Variants in ADAMTSL3 observed in about 807,000 individuals in gnomAD.
ADAMTSL3 encodes ADAMTS like 3.
In ADAMTSL3, 128 loss-of-function variants were observed where a neutral mutation model predicts 201.7. The ratio of observed to expected loss-of-function variants is 0.63; its 90% CI spans 0.55 to 0.73. The LOEUF (loss-of-function observed/expected upper bound fraction) is 0.73, where lower values mean the gene tolerates loss of function less well. Among genes scored for constraint, ADAMTSL3 ranks in the 30% least tolerant of loss-of-function variants. The pLI, the probability that ADAMTSL3 is intolerant of heterozygous loss-of-function variation, is 0.00. For synonymous variants in ADAMTSL3, 738 were observed against 748.4 expected (o/e 0.99, Z 0.23); for missense variants, 1,990 against 2,119.6 (o/e 0.94, Z 1.20).
intron 9 of ADAMTSL3, among the ~76,000 whole-genome samples, chr15:83,882,215 A>C (rs1206861133): frequency 1.3e-5 from 2 of 152,130 alleles, no homozygotes; most frequent in Admixed American, 6.5e-5. Flanking sequence ...TTTAGGCAGC[A>C]TTTTTATTTA....
At chr15:83,816,637 G>A (rs1242849943) in intron 5 of ADAMTSL3, among the ~76,000 whole-genome samples, 1 of 152,174 alleles carries the variant, frequency 6.6e-6, no homozygotes, top group Admixed American at 6.5e-5. Context: ...GCTGGAGGAA[G>A]AGGAGGTGAT....
chr15:84,009,091 G>T (rs572619384), intron 23 of ADAMTSL3, among the ~76,000 whole-genome samples: 1 of 152,286 alleles, frequency 6.6e-6, no homozygotes, highest in South Asian at 2.1e-4. Context: ...CCCTGCCTCT[G>T]CCCTTGCCCC....
chr15:83,811,800 G>C (rs538872464), intron 5 of ADAMTSL3, among the ~76,000 whole-genome samples: 5 of 152,296 alleles, frequency 3.3e-5, no homozygotes, highest in East Asian at 3.9e-4. Context: ...TATAGCATCA[G>C]TTGCTATGCT....
In ADAMTSL3 at chr15:83,784,546, G is replaced by T. The variant is rs564913063; in HGVS notation, c.317+10896G>T. On this transcript the variant is annotated intron_variant, in intron 4 of 29. Coordinates refer to ENST00000286744, the MANE Select transcript of ADAMTSL3 (RefSeq NM_207517.3). ...CTATCATTTCAATGGGAATTTGTAA[G>T]GGGGAAGTTCAATATATACGCTCAG... is the stretch of plus-strand genomic sequence containing the variant. 1.1e-4 allele frequency among the ~76,000 whole-genome samples: 16 copies of T among 152,202 alleles called. No homozygotes were observed. The South Asian group carries it at 3.3e-3, about 32-fold the overall frequency.
chr15:83,730,904 T>C (rs1189653616), intron 3 of ADAMTSL3, among the ~76,000 whole-genome samples: 2 of 152,112 alleles, frequency 1.3e-5, no homozygotes, highest in Non-Finnish European at 2.9e-5. Flanking sequence ...ATGGTGGTTT[T>C]AGGTCTTACA....
Position 83,991,080 on chromosome 15 carries a change from A to T in ADAMTSL3, c.3845-6A>T, listed in dbSNP as rs1375701106. ...TAACATAGTTTCCTGCTCCCTTTGA[A>T]TTAAGAGGCACCTGTCATCTTGTCT... On this transcript the variant is annotated splice_polypyrimidine_tract_variant and splice_region_variant and intron_variant, in intron 22 of 29. Coordinates refer to ENST00000286744, the MANE Select transcript of ADAMTSL3 (RefSeq NM_207517.3). 5 of 1,614,150 alleles carry T rather than the reference A, an allele frequency of 3.1e-6. No homozygotes were observed. The highest frequency in any genetic ancestry group is 4.2e-6 in the Non-Finnish European group (5 of 1,180,006).
chr15:83,977,023 A>G (rs1277712454), intron 20 of ADAMTSL3, among the ~76,000 whole-genome samples: 1 of 152,214 alleles, frequency 6.6e-6, no homozygotes, highest in Non-Finnish European at 1.5e-5. Context: ...ATACTGGTCC[A>G]TAGCCTGTTG....
chr15:83,803,551 C>T (rs2063555243), intron 4 of ADAMTSL3, among the ~76,000 whole-genome samples: 1 of 152,078 alleles, frequency 6.6e-6, no homozygotes, highest in Non-Finnish European at 1.5e-5. Flanking sequence ...AAATATGTAA[C>T]TCCATTGAAA....
chr15:83,943,562 G>A (rs2066603389), intron 19 of ADAMTSL3, among the ~76,000 whole-genome samples: 1 of 152,188 alleles, frequency 6.6e-6, no homozygotes, highest in Non-Finnish European at 1.5e-5. Flanking sequence ...TAGAATTCTA[G>A]TAGATCGTTT....
At chr15:83,711,936 G>A (rs1380211181) in intron 3 of ADAMTSL3, among the ~76,000 whole-genome samples, 2 of 152,130 alleles carry the variant, frequency 1.3e-5, no homozygotes, top group African/African-American at 4.8e-5. Flanking sequence ...GGTATAGGGT[G>A]GGGATGTTCA....
chr15:83,828,388 C>G (rs1313010617), intron 6 of ADAMTSL3, among the ~76,000 whole-genome samples: 1 of 152,198 alleles, frequency 6.6e-6, no homozygotes, highest in Non-Finnish European at 1.5e-5. Flanking sequence ...TATCCTGAGA[C>G]TTCACTGAAG....
intron 3 of ADAMTSL3, among the ~76,000 whole-genome samples, chr15:83,760,025 C>G (rs1227433181): frequency 6.6e-6 from 1 of 151,978 alleles, no homozygotes; most frequent in East Asian, 1.9e-4. Flanking sequence ...TGTTGATCCT[C>G]TTGCTTATAT....
chr15:83,707,414 A>G (rs1273274838), intron 3 of ADAMTSL3, among the ~76,000 whole-genome samples: 2 of 152,220 alleles, frequency 1.3e-5, no homozygotes, highest in Admixed American at 1.3e-4. Context: ...TTACTTTAGG[A>G]GATCTCATGC....
In ADAMTSL3 at chr15:83,765,362, A is replaced by T. The variant is rs76140775; in HGVS notation, c.190-8161A>T. On this transcript the variant is annotated intron_variant, in intron 3 of 29. Transcript: ENST00000286744. ...AACCTTTGTGGTAACATTGGAATGA[A>T]CATTTATTTGATGTCTGGGAAGTAA... Among the ~76,000 whole-genome samples, 89 of 152,330 alleles carry T rather than the reference A, an allele frequency of 5.8e-4. 1 individual carries two copies. In the East Asian group the frequency reaches 0.016, roughly 28 times the overall value.
chr15:83,887,435 G>C (rs1284308212), intron 10 of ADAMTSL3, among the ~76,000 whole-genome samples: 2 of 152,174 alleles, frequency 1.3e-5, no homozygotes, highest in African/African-American at 4.8e-5. Flanking sequence ...CAAACCAGTG[G>C]AGTAAGTCAT....
intron 4 of ADAMTSL3, among the ~76,000 whole-genome samples, chr15:83,787,162 T>C (rs1249844721): frequency 6.6e-6 from 1 of 152,196 alleles, no homozygotes; most frequent in African/African-American, 2.4e-5. Context: ...CACTCTTTAC[T>C]AGGACAGGGG....
intron 6 of ADAMTSL3, among the ~76,000 whole-genome samples, chr15:83,828,031 G>A (rs2064064692): frequency 6.6e-6 from 1 of 152,258 alleles, no homozygotes. Flanking sequence ...GAACTTTAAA[G>A]TAGTTTTTCC....
Position 83,674,746 on chromosome 15 carries a change from C to CAT in ADAMTSL3, c.69+18922_69+18923dup, listed in dbSNP as rs1194032697. Among the ~76,000 whole-genome samples the CAT allele has an allele frequency of 9.9e-4, 101 of 101,782 alleles. 2 individuals carry two copies. The highest frequency in any genetic ancestry group is 1.3e-3 in the Admixed American group (12 of 8,950). The allele number at this position is 101,782 out of a possible 152,430, so 66.8% of individuals were successfully genotyped here. On this transcript the variant is annotated intron_variant, in intron 2 of 29. Coordinates refer to ENST00000286744, the MANE Select transcript of ADAMTSL3 (RefSeq NM_207517.3). ...ATATACATATATACACACATATATA[C>CAT]ATATATACACACATATATACATATA...
chr15:83,824,254 C>G (rs921019016), intron 6 of ADAMTSL3, among the ~76,000 whole-genome samples: 28 of 151,946 alleles, frequency 1.8e-4, no homozygotes, highest in African/African-American at 6.5e-4. Context: ...CGCTATGTTA[C>G]TCAGCTGGCC....
Sources: allele counts gnomAD v4.1 joint callset (sites outside exome capture counted in the v4.1 genomes callset), GRCh38; gene constraint gnomAD v4.1.1; transcripts MANE v1.5; gene names NCBI Gene and HGNC (gene_info 2026-07-23, HGNC 2026-07-21).